DAPK1: variants seen among roughly 807,000 people sequenced by gnomAD.
DAPK1 encodes the protein death-associated protein kinase 1.
Under a neutral mutation model 144.9 loss-of-function variants are expected in DAPK1, and 56 were observed. The ratio of observed to expected loss-of-function variants is 0.39; its 90% CI spans 0.31 to 0.48. The LOEUF (loss-of-function observed/expected upper bound fraction) is 0.48. Among genes scored for constraint, DAPK1 ranks in the 20% least tolerant of loss-of-function variants. The probability of loss-of-function intolerance (pLI) is 0.95; values close to 1 mark genes in which losing one functional copy is unlikely to be tolerated. For synonymous variants in DAPK1, 690 were observed against 749.0 expected (o/e 0.92, Z 1.29); for missense variants, 1,454 against 1,875.4 (o/e 0.78, Z 4.15).
chr9:87,600,340 C>G (rs1828472734), intron 2 of DAPK1, among the ~76,000 whole-genome samples: 1 of 152,318 alleles, frequency 6.6e-6, no homozygotes. Flanking sequence ...AATTCCCCGA[C>G]TTTGGGTGGC....
chr9:87,502,622 A>G (rs938980901), intron 2 of DAPK1, among the ~76,000 whole-genome samples: 20 of 152,002 alleles, frequency 1.3e-4, no homozygotes, highest in Non-Finnish European at 2.4e-4. Context: ...CTTCTTTCCT[A>G]TTGCACCATC....
chr9:87,673,311 C>T (rs1038024293), intron 19 of DAPK1, among the ~76,000 whole-genome samples: 1 of 152,176 alleles, frequency 6.6e-6, no homozygotes, highest in Non-Finnish European at 1.5e-5. Context: ...CCCTACATTG[C>T]CTGCCATTTT....
At chr9:87,599,427 GA>G (rs1372237112) in intron 2 of DAPK1, among the ~76,000 whole-genome samples, 1 of 152,210 alleles carries the variant, frequency 6.6e-6, no homozygotes, top group Non-Finnish European at 1.5e-5. Context: ...GAGTCAGACA[GA>G]GAAATTAGAT....
intron 21 of DAPK1, among the ~76,000 whole-genome samples, chr9:87,691,887 T>C (rs913617734): frequency 1.3e-5 from 2 of 152,086 alleles, no homozygotes; most frequent in African/African-American, 4.8e-5. Flanking sequence ...GTTGAGACTT[T>C]TCATGTGTCC....
At chr9:87,646,612 T>C in intron 13 of DAPK1, 53 bp downstream of exon 13, 1 of 1,458,558 alleles carries the variant, frequency 6.9e-7, no homozygotes, top group East Asian at 2.3e-5. Flanking sequence ...TTCAAGTGTC[T>C]CTTAATCATA....
intron 14 of DAPK1, among the ~76,000 whole-genome samples, chr9:87,648,287 T>C (rs1830334843): frequency 6.6e-6 from 1 of 152,266 alleles, no homozygotes; most frequent in Non-Finnish European, 1.5e-5. Context: ...CAGAAAGTTA[T>C]TGCATGGGCA....
chr9:87,533,377 C>T (rs547038996), intron 2 of DAPK1, among the ~76,000 whole-genome samples: 94 of 152,224 alleles, frequency 6.2e-4, no homozygotes, highest in Non-Finnish European at 1.1e-3. Context: ...TCTCTCAGAC[C>T]GCATCCAGGG....
At chr9:87,612,563 G>C (rs1212099233) in intron 3 of DAPK1, among the ~76,000 whole-genome samples, 1 of 152,186 alleles carries the variant, frequency 6.6e-6, no homozygotes, top group Non-Finnish European at 1.5e-5. Context: ...CCCATGTGTG[G>C]TCCTTTGTTA....
chr9:87,601,254 G>A (rs1828504276), intron 2 of DAPK1, among the ~76,000 whole-genome samples: 2 of 152,246 alleles, frequency 1.3e-5, no homozygotes, highest in African/African-American at 4.8e-5. Flanking sequence ...GGCTGCCTGA[G>A]GAGACTGTGC....
intron 11 of DAPK1, among the ~76,000 whole-genome samples, chr9:87,644,301 C>T (rs1164737643): frequency 6.6e-6 from 1 of 152,086 alleles, no homozygotes; most frequent in Non-Finnish European, 1.5e-5. Context: ...TTTCCCCTGA[C>T]AATCAAACAA....
intron 2 of DAPK1, among the ~76,000 whole-genome samples, chr9:87,522,332 C>A (rs1015049872): frequency 7.9e-5 from 12 of 152,192 alleles, no homozygotes; most frequent in African/African-American, 2.9e-4. Flanking sequence ...TCTAGTGAGT[C>A]TTGAGATCAT....
rs1831145720 is a variant in DAPK1, at chr9:87,668,685, CT to C, written c.2001+12del. ...GCAAGACTTCGAAAGGTGAGAAGTT[CT>C]GTTATAGGTCTGAAGTTCTCTACCT... On this transcript the variant is annotated intron_variant, in intron 19 of 25. Transcript: ENST00000408954. 1 of 1,102,926 alleles carries C rather than the reference CT, an allele frequency of 9.1e-7. No homozygotes were observed. Among genetic ancestry groups the C allele is most frequent in the South Asian group, 1.2e-5 (1 of 81,096 alleles). 68.3% of individuals were successfully genotyped at this position (1,102,926 alleles called of 1,614,324 possible). A position where few individuals can be genotyped will look rare whatever the true frequency, so the allele number is the denominator to read the frequency against.
At chr9:87,542,062 A>T (rs570856987) in intron 2 of DAPK1, among the ~76,000 whole-genome samples, 1 of 152,230 alleles carries the variant, frequency 6.6e-6, no homozygotes, top group Non-Finnish European at 1.5e-5. Flanking sequence ...GATGAGAAAA[A>T]GTCAGGGACT....
At chr9:87,618,236 G>A (rs777763557) in intron 3 of DAPK1, among the ~76,000 whole-genome samples, 20 of 152,308 alleles carry the variant, frequency 1.3e-4, no homozygotes, top group East Asian at 7.7e-4. Context: ...GTGAGATGGC[G>A]CTTCACACCC....
intron 3 of DAPK1, among the ~76,000 whole-genome samples, chr9:87,605,974 G>A (rs1352365490): frequency 6.6e-6 from 1 of 152,198 alleles, no homozygotes; most frequent in African/African-American, 2.4e-5. Context: ...AGTGCCTTGA[G>A]GGAGGAGGGG....
At chr9:87,584,664 T>TTGTGTGTGTGTGTGTGTG (rs113125719) in intron 2 of DAPK1, among the ~76,000 whole-genome samples, 6 of 140,506 alleles carry the variant, frequency 4.3e-5, no homozygotes, top group African/African-American at 1.5e-4. Context: ...TGATAGCTCA[T>TTGTGTGTGTGTGTGTGTG]TGTGTGTGTG....
intron 2 of DAPK1, among the ~76,000 whole-genome samples, chr9:87,597,420 TAG>T (rs1828358260): frequency 6.6e-6 from 1 of 152,160 alleles, no homozygotes; most frequent in South Asian, 2.1e-4. Flanking sequence ...GGGGAAAATG[TAG>T]AGACTTAACA....
chr9:87,527,870 A>G (rs1825569493), intron 2 of DAPK1, among the ~76,000 whole-genome samples: 1 of 152,214 alleles, frequency 6.6e-6, no homozygotes, highest in Non-Finnish European at 1.5e-5. Flanking sequence ...ATGGGAAGCA[A>G]TCTTATGGCT....
chr9:87,693,589 G>C (rs949605770), intron 21 of DAPK1, among the ~76,000 whole-genome samples: 7 of 152,032 alleles, frequency 4.6e-5, no homozygotes, highest in Non-Finnish European at 1.0e-4. Flanking sequence ...TCTGTTGCTG[G>C]AGAGTTATTG....
Sources: gnomAD v4.1 joint callset for allele counts (sites outside exome capture counted in the v4.1 genomes callset) on GRCh38, gnomAD v4.1.1 for gene constraint, MANE v1.5 for transcripts, NCBI Gene and HGNC (gene_info 2026-07-23, HGNC 2026-07-21) for gene names.